The following CD109 variants were observed in gnomAD, a reference collection of about 807,000 sequenced individuals.
The protein encoded by CD109 is CD109 antigen.
Under a neutral mutation model 165.8 loss-of-function variants are expected in CD109, and 149 were observed. The ratio of observed to expected loss-of-function variants is 0.90; its 90% CI spans 0.79 to 1.03. CD109 has a LOEUF of 1.03. Ranked by LOEUF, CD109 falls within the 50% of genes least tolerant of loss-of-function variation. The pLI is 0.00. For synonymous variants in CD109, 585 were observed against 592.1 expected, an observed-to-expected ratio of 0.99 and a Z score of 0.18; for missense variants, 1,712 against 1,677.8, an observed-to-expected ratio of 1.02 and a Z score of -0.36.
chr6:73,791,190 T>TATATATATATATATATAC (rs1352766740), intron 22 of CD109, among the ~76,000 whole-genome samples: 355 of 13,516 alleles, frequency 0.026, 30 homozygotes, highest in African/African-American at 0.069. Context: ...CACACACACA[T>TATATATATATATATATAC]ACATATATAT....
chr6:73,716,059 T>C (rs773040678), intron 2 of CD109, among the ~76,000 whole-genome samples: 4 of 152,240 alleles, frequency 2.6e-5, no homozygotes, highest in Non-Finnish European at 5.9e-5. Flanking sequence ...GTTATTTCAC[T>C]TAACATAATG....
chr6:73,763,641 G>T lies in CD109; in HGVS notation c.1063G>T (p.Asp355Tyr), dbSNP rs200929295. The T allele has an allele frequency of 1.9e-6, 3 of 1,594,492 alleles. No individual in the cohort carries two copies. Among genetic ancestry groups the T allele is most frequent in the Non-Finnish European group, 8.6e-7 (1 of 1,169,136 alleles). Residue 355 changes from aspartate to tyrosine, a missense_variant, in exon 10 of 33, where the codon GAT becomes TAT. Coordinates refer to ENST00000287097, the MANE Select transcript of CD109 (RefSeq NM_133493.5). The stretch of plus-strand genomic sequence containing the variant: ...ACATGATTACATCATTGAGTTTTTT[G>T]ATTATACTACTGTCTTGAAGCCATC... ...KQHDYIIEFF[D>Y]YTTVLKPSLN...
At chr6:73,774,605 A>G (rs1158212788) in intron 15 of CD109, among the ~76,000 whole-genome samples, 1 of 152,318 alleles carries the variant, frequency 6.6e-6, no homozygotes, top group Non-Finnish European at 1.5e-5. Flanking sequence ...TCTTTTGGAT[A>G]CTTGCACAGG....
rs1776312511 is a variant in CD109, at chr6:73,827,456, TATC to T, written c.*3827_*3829del. On this transcript the variant is annotated 3_prime_UTR_variant, in exon 33 of 33. Coordinates refer to ENST00000287097, the MANE Select transcript of CD109 (RefSeq NM_133493.5). ...CACTTTTAAGAAATTAGAATTTTTC[TATC>T]ATCTATGCAAATGATATTTATGTTA... The T allele has an allele frequency of 6.6e-6, 1 of 152,178 alleles. No homozygotes were observed. The allele number at this position is 152,178 out of a possible 1,614,324, so 9.4% of individuals were successfully genotyped here. A position where few individuals can be genotyped will look rare whatever the true frequency, so the allele number is the denominator to read the frequency against.
intron 2 of CD109, 66 bp from the exon 3 acceptor site, chr6:73,723,185 A>G (rs1437472508): frequency 6.2e-7 from 1 of 1,605,310 alleles, no homozygotes; most frequent in Non-Finnish European, 8.5e-7. Context: ...GAGTTTTGGA[A>G]GGTTTGTATT....
At chr6:73,782,579 C>T (rs781470439) in intron 17 of CD109, 35 bp from the exon 18 acceptor site, 2 of 1,595,856 alleles carry the variant, frequency 1.3e-6, no homozygotes, top group Non-Finnish European at 1.7e-6. Context: ...TCTCCAGTGA[C>T]TGTTTTTCTA....
In CD109 at chr6:73,823,810, C is replaced by T. The variant is rs550750684; in HGVS notation, c.*177C>T. ...TGTATAGCTGCATAGATTTCTTCACCTGATCTTTGTGTGGAAGATCAGAAT... is the reference window on the plus strand; with the variant it reads ...TGTATAGCTGCATAGATTTCTTCACTTGATCTTTGTGTGGAAGATCAGAAT... On this transcript the variant is annotated 3_prime_UTR_variant, in exon 33 of 33. Coordinates refer to ENST00000287097, the MANE Select transcript of CD109 (RefSeq NM_133493.5). 6.7e-5 allele frequency: 31 copies of T among 464,566 alleles called. No homozygotes were observed. The highest frequency in any genetic ancestry group is 5.4e-4 in the African/African-American group (28 of 51,872). 28.8% of individuals were successfully genotyped at this position (464,566 alleles called of 1,614,324 possible). A position where few individuals can be genotyped will look rare whatever the true frequency, so the allele number is the denominator to read the frequency against.
chr6:73,776,279 G>A (rs1774238178), intron 15 of CD109, among the ~76,000 whole-genome samples: 1 of 152,226 alleles, frequency 6.6e-6, no homozygotes. Context: ...TTGAGACAAA[G>A]TCTCACTCTG....
At chr6:73,691,378 A>G (rs1770687188), upstream of CD109, among the ~76,000 whole-genome samples, 5 of 152,148 alleles carry the variant, frequency 3.3e-5, no homozygotes. Flanking sequence ...TTACTTTCTG[A>G]AGCTTGGTTT....
intron 32 of CD109, among the ~76,000 whole-genome samples, 195 bp from the exon 33 acceptor site, chr6:73,823,263 G>T (rs1001016437): frequency 6.6e-6 from 1 of 152,178 alleles, no homozygotes. Context: ...TGGACTGAGC[G>T]CATTGTTTCT....
chr6:73,736,535 G>A (rs752592530), intron 5 of CD109, 27 bp downstream of exon 5: 9 of 1,593,104 alleles, frequency 5.6e-6, no homozygotes, highest in South Asian at 1.1e-5. Context: ...TTTTTGGGGG[G>A]AATGTTAAAG....
At position 73,818,370 on chromosome 6, in the gene CD109, C is replaced by T. The variant is rs1582209933; in HGVS notation, c.3912-18C>T. On this transcript the variant is annotated intron_variant, in intron 30 of 32. Transcript: ENST00000287097. The stretch of plus-strand genomic sequence containing the variant: ...TTTTTCCTGAGGAGTTTTCATTCAT[C>T]CTCCCTCTTTGATTTAGCTTTTCGG... The T allele has an allele frequency of 3.1e-6, 5 of 1,613,200 alleles. No homozygotes were observed. In the East Asian group the frequency reaches 8.9e-5, roughly 29 times the overall value.
the CD109 span, among the ~76,000 whole-genome samples, chr6:73,688,737 A>G: frequency 2.9e-5 from 4 of 139,956 alleles, no homozygotes; most frequent in African/African-American, 1.1e-4. Context: ...TTCCTGGATT[A>G]TAGGGTTCTG....
intron 17 of CD109, among the ~76,000 whole-genome samples, chr6:73,782,211 T>C (rs1312489265): frequency 6.6e-6 from 1 of 152,204 alleles, no homozygotes; most frequent in Non-Finnish European, 1.5e-5. Context: ...AAGATAATTT[T>C]ATAGTCTTGA....
chr6:73,795,848 T>C (rs1240395243), intron 23 of CD109, among the ~76,000 whole-genome samples: 2 of 152,066 alleles, frequency 1.3e-5, no homozygotes, highest in Non-Finnish European at 2.9e-5. Flanking sequence ...ACCCACTTAG[T>C]AGGGTTGTTT....
chr6:73,799,054 G>T (rs560181147), intron 23 of CD109, among the ~76,000 whole-genome samples: 29 of 152,070 alleles, frequency 1.9e-4, no homozygotes, highest in African/African-American at 5.8e-4. Flanking sequence ...GCTATCTGGA[G>T]AATTTAGTCC....
chr6:73,812,064 T>C (rs1501192), intron 28 of CD109, 141 bp from the exon 29 acceptor site: 149,953 of 516,434 alleles, frequency 0.29, 23,262 homozygotes, highest in Admixed American at 0.35. Context: ...TAGCTTTTGA[T>C]ATGTGAGACA....
intron 4 of CD109, among the ~76,000 whole-genome samples, chr6:73,735,930 T>TACC (rs1208118072): frequency 6.6e-6 from 1 of 152,166 alleles, no homozygotes; most frequent in Non-Finnish European, 1.5e-5. Context: ...TTAACACTAC[T>TACC]ACCACCACCG....
chr6:73,812,480 G>A (rs56658263), intron 29 of CD109, among the ~76,000 whole-genome samples: 3,591 of 152,120 alleles, frequency 0.024, 152 homozygotes, highest in African/African-American at 0.082. Context: ...TTGATTTTCT[G>A]TTTGAAAAGT....
Sources: allele counts gnomAD v4.1 joint callset (sites outside exome capture counted in the v4.1 genomes callset), GRCh38; gene constraint gnomAD v4.1.1; transcripts MANE v1.5; gene names NCBI Gene and HGNC (gene_info 2026-07-23, HGNC 2026-07-21).